The following EFCAB14 variants were observed in gnomAD, a reference collection of about 807,000 sequenced individuals.
EFCAB14 encodes EF-hand calcium-binding domain-containing protein 14.
In EFCAB14, 43 loss-of-function variants were observed where a neutral mutation model predicts 56.5. The ratio of observed to expected loss-of-function variants is 0.76; its 90% confidence interval spans 0.60 to 0.98. The LOEUF (loss-of-function observed/expected upper bound fraction) is 0.98. EFCAB14 is among the 50% of genes least tolerant of loss of function. EFCAB14 has a pLI of 0.00. For missense variants in EFCAB14, 538 were observed against 580.3 expected (o/e 0.93, Z 0.75); for synonymous variants, 235 against 212.9 (o/e 1.10, Z -0.90).
intron 3 of EFCAB14, among the ~76,000 whole-genome samples, chr1:46,707,696 C>A (rs764458017): frequency 1.3e-5 from 2 of 152,250 alleles, no homozygotes; most frequent in Middle Eastern, 3.4e-3. Context: ...TTTTCTTTTG[C>A]AGAAAGGATT....
intron 2 of EFCAB14, among the ~76,000 whole-genome samples, chr1:46,708,814 T>C (rs1299911214): frequency 1.3e-5 from 2 of 152,318 alleles, no homozygotes; most frequent in Middle Eastern, 6.8e-3. Context: ...TCCTGAATGG[T>C]TTAGGGATTT....
chr1:46,686,162 T>A (rs1292402004), intron 8 of EFCAB14, among the ~76,000 whole-genome samples: 3 of 152,212 alleles, frequency 2.0e-5, no homozygotes, highest in Admixed American at 2.0e-4. Context: ...AATCACACTT[T>A]CTTTCCTGGA....
rs1387558429 is a variant in EFCAB14, at chr1:46,676,942, G to C, written c.*1519C>G. 6.6e-6 allele frequency: 1 copy of C among 152,458 alleles called. No individual in the cohort carries two copies. Among genetic ancestry groups the C allele is most frequent in the Non-Finnish European group, 1.5e-5 (1 of 68,014 alleles). The allele number at this position is 152,458 out of a possible 1,614,324, so 9.4% of individuals were successfully genotyped here. A position where few individuals can be genotyped will look rare whatever the true frequency, so the allele number is the denominator to read the frequency against. ...CATGGTGAAGGGCAACCTGAACAAA[G>C]TTAAAAAGGAAATGATCTCCACTAA... On this transcript the variant is annotated 3_prime_UTR_variant, in exon 11 of 11. Coordinates refer to ENST00000371933, the MANE Select transcript of EFCAB14 (RefSeq NM_014774.3).
rs1676701909 is a variant in EFCAB14, at chr1:46,676,787, G to C, written c.*1674C>G. The C allele has an allele frequency of 6.6e-6, 1 of 152,268 alleles. No individual in the cohort carries two copies. Among genetic ancestry groups the C allele is most frequent in the Non-Finnish European group, 1.5e-5 (1 of 67,998 alleles). The allele number at this position is 152,268 out of a possible 1,614,324, so 9.4% of individuals were successfully genotyped here. ...ATAAGGGGACACATTCATGGGAAAA[G>C]ACTTCATCTTGCTTTAACTAAATTT... On this transcript the variant is annotated 3_prime_UTR_variant, in exon 11 of 11. Transcript: ENST00000371933.
intron 4 of EFCAB14, 29 bp from the exon 5 acceptor site, chr1:46,691,966 A>C (rs1676999930): frequency 6.4e-7 from 1 of 1,572,826 alleles, no homozygotes. Flanking sequence ...GAAGGTGTAA[A>C]AAAGCTTTAA....
intron 2 of EFCAB14, among the ~76,000 whole-genome samples, chr1:46,710,754 C>A (rs1479716232): frequency 6.6e-6 from 1 of 151,976 alleles, no homozygotes; most frequent in African/African-American, 2.4e-5. Context: ...TCTTGCTATG[C>A]TTCCCTGGGC....
chr1:46,686,686 G>T, intron 8 of EFCAB14, 98 bp downstream of exon 8: 1 of 1,204,644 alleles, frequency 8.3e-7, no homozygotes, highest in Non-Finnish European at 1.2e-6. Context: ...CAGCACATGA[G>T]AACAAAAGTA....
chr1:46,717,991 GA>G lies in EFCAB14; in HGVS notation c.96del (p.Arg33AlafsTer115). ...PKKGPSSHRL[L>X]RTEPPDSDSE... Reference sequence around the variant, plus strand: ...GAGTCTGAGTCGGGAGGCTCAGTGCGAAGCAGGCGGTGACTGCTTGGGCCTT... The same window carrying G: ...GAGTCTGAGTCGGGAGGCTCAGTGCGAGCAGGCGGTGACTGCTTGGGCCTT... On this transcript the variant is annotated frameshift_variant, in exon 1 of 11. Coordinates refer to ENST00000371933, the MANE Select transcript of EFCAB14 (RefSeq NM_014774.3). LOFTEE classifies it high-confidence loss of function. 6.2e-7 allele frequency: 1 copy of G among 1,614,182 alleles called. No individual in the cohort carries two copies. The highest frequency in any genetic ancestry group is 8.5e-7 in the Non-Finnish European group (1 of 1,180,022).
At chr1:46,705,938 C>T (rs572673323) in intron 3 of EFCAB14, among the ~76,000 whole-genome samples, 1 of 151,774 alleles carries the variant, frequency 6.6e-6, no homozygotes, top group East Asian at 1.9e-4. Context: ...GATTACAGCT[C>T]ACTGCAGCTT....
chr1:46,691,711 T>G, intron 5 of EFCAB14, 116 bp downstream of exon 5: 1 of 644,336 alleles, frequency 1.6e-6, no homozygotes, highest in Non-Finnish European at 2.7e-6. Context: ...TACTGCTTAT[T>G]AGATCTTTTG....
chr1:46,715,880 T>C (rs1320674181), intron 2 of EFCAB14, among the ~76,000 whole-genome samples: 2 of 151,984 alleles, frequency 1.3e-5, no homozygotes, highest in Admixed American at 6.6e-5. Context: ...TTCACTAGAA[T>C]GGGCAAAAAT....
Position 46,695,371 on chromosome 1 carries a change from T to C in EFCAB14, c.579+1180A>G, listed in dbSNP as rs563608913. Among the ~76,000 whole-genome samples, 83 of 152,192 alleles carry C rather than the reference T, an allele frequency of 5.5e-4. 1 individual carries two copies. The South Asian group carries it at 0.016, about 29-fold the overall frequency. ...ATCAGAGTTGTCCCTACCCCTTTTT[T>C]TTCCCCCCGAATTTGTAAGTAGATG... On this transcript the variant is annotated intron_variant, in intron 4 of 10. Coordinates refer to ENST00000371933, the MANE Select transcript of EFCAB14 (RefSeq NM_014774.3).
intron 2 of EFCAB14, among the ~76,000 whole-genome samples, chr1:46,714,250 A>G (rs1399249940): frequency 6.6e-6 from 1 of 152,176 alleles, no homozygotes; most frequent in Admixed American, 6.5e-5. Context: ...TAAGATCGAA[A>G]GTAAGAACTT....
At chr1:46,687,614 T>C (rs1169400249) in intron 7 of EFCAB14, among the ~76,000 whole-genome samples, 2 of 152,198 alleles carry the variant, frequency 1.3e-5, no homozygotes, top group African/African-American at 4.8e-5. Flanking sequence ...TATTTTTAAA[T>C]ATATGCCTGT....
intron 4 of EFCAB14, 105 bp from the exon 5 acceptor site, chr1:46,692,042 A>G: frequency 2.5e-6 from 2 of 796,306 alleles, no homozygotes; most frequent in Non-Finnish European, 3.9e-6. Flanking sequence ...TTTGACACAT[A>G]AACAATTGTG....
At chr1:46,716,647 G>A (rs1007389634) in intron 1 of EFCAB14, among the ~76,000 whole-genome samples, 2 of 152,186 alleles carry the variant, frequency 1.3e-5, no homozygotes, top group African/African-American at 4.8e-5. Flanking sequence ...GGTTTCAAAT[G>A]TCACATAAAA....
intron 2 of EFCAB14, among the ~76,000 whole-genome samples, chr1:46,708,528 A>G (rs1246833999): frequency 6.6e-6 from 1 of 152,204 alleles, no homozygotes; most frequent in African/African-American, 2.4e-5. Flanking sequence ...GTCAATTAAG[A>G]TTTATAAATC....
In EFCAB14 at chr1:46,676,848, T is replaced by C. The variant is rs1364511654; in HGVS notation, c.*1613A>G. On this transcript the variant is annotated 3_prime_UTR_variant, in exon 11 of 11. Transcript: ENST00000371933. ...GGAAAAAAAATTTAAGTTTGGTTAATACCAAGCTGAACATCATGTAAAGAA... is the reference window on the plus strand; with the variant it reads ...GGAAAAAAAATTTAAGTTTGGTTAACACCAAGCTGAACATCATGTAAAGAA... 6.6e-6 allele frequency: 1 copy of C among 151,680 alleles called. No individual in the cohort carries two copies. The highest frequency in any genetic ancestry group is 6.6e-5 in the Admixed American group (1 of 15,076). The allele number at this position is 151,680 out of a possible 1,614,324, so 9.4% of individuals were successfully genotyped here.
At chr1:46,716,629 G>T (rs997941552) in intron 1 of EFCAB14, among the ~76,000 whole-genome samples, 186 bp from the exon 2 acceptor site, 2 of 152,172 alleles carry the variant, frequency 1.3e-5, no homozygotes, top group African/African-American at 4.8e-5. Flanking sequence ...TCATCTACTG[G>T]ATACAAAGGT....
Sources: allele counts gnomAD v4.1 joint callset (sites outside exome capture counted in the v4.1 genomes callset), GRCh38; gene constraint gnomAD v4.1.1; transcripts MANE v1.5; gene names NCBI Gene and HGNC (gene_info 2026-07-23, HGNC 2026-07-21).